The following RHPN2 variants were observed in gnomAD, a reference collection of about 807,000 sequenced individuals.
RHPN2 encodes the protein rhophilin Rho GTPase binding protein 2.
Under a neutral mutation model 79.0 loss-of-function variants are expected in RHPN2, and 40 were observed. The observed-to-expected ratio is 0.51, with a 90% confidence interval of 0.39 to 0.66. The LOEUF (loss-of-function observed/expected upper bound fraction) is 0.66. RHPN2 is among the 30% of genes least tolerant of loss of function. The pLI, the probability that RHPN2 is intolerant of heterozygous loss-of-function variation, is 0.00. For missense variants in RHPN2, 686 were observed against 883.5 expected, an observed-to-expected ratio of 0.78 and a Z score of 2.83; for synonymous variants, 285 against 363.5, an observed-to-expected ratio of 0.78 and a Z score of 2.46.
chr19:32,984,699 C>T (rs1971601738), intron 14 of RHPN2, among the ~76,000 whole-genome samples: 1 of 152,100 alleles, frequency 6.6e-6, no homozygotes, highest in Admixed American at 6.6e-5. Flanking sequence ...CGCCTGTAAT[C>T]CCAACTATTC....
At chr19:33,002,037 G>A (rs1255817469) in intron 9 of RHPN2, among the ~76,000 whole-genome samples, 1 of 152,166 alleles carries the variant, frequency 6.6e-6, no homozygotes, top group Non-Finnish European at 1.5e-5. Context: ...AATTAAAGGT[G>A]CCTCTTCTTC....
intron 6 of RHPN2, among the ~76,000 whole-genome samples, chr19:33,008,589 G>A (rs917952811): frequency 6.6e-6 from 1 of 152,012 alleles, no homozygotes; most frequent in Non-Finnish European, 1.5e-5. Flanking sequence ...GGCCAACATG[G>A]TGAAACCCAG....
chr19:33,055,180 T>A (rs535119651), intron 1 of RHPN2, among the ~76,000 whole-genome samples: 4 of 152,000 alleles, frequency 2.6e-5, no homozygotes, highest in African/African-American at 9.6e-5. Flanking sequence ...TAAGACCCCA[T>A]CTCTACAAAA....
chr19:33,015,924 C>T (rs1971873937), intron 4 of RHPN2, among the ~76,000 whole-genome samples: 1 of 151,960 alleles, frequency 6.6e-6, no homozygotes, highest in Admixed American at 6.6e-5. Context: ...GTGGCAGGTG[C>T]CTGTAATCCC....
At chr19:32,982,382 G>A (rs991143869) in intron 14 of RHPN2, among the ~76,000 whole-genome samples, 1 of 151,988 alleles carries the variant, frequency 6.6e-6, no homozygotes, top group African/African-American at 2.4e-5. Flanking sequence ...ACTCCAGCCT[G>A]GGCGATGGAG....
At chr19:32,993,210 C>T (rs1340573067) in intron 12 of RHPN2, among the ~76,000 whole-genome samples, 1 of 152,076 alleles carries the variant, frequency 6.6e-6, no homozygotes, top group Non-Finnish European at 1.5e-5. Context: ...CACAGTGGCT[C>T]AGGCCTGTAA....
chr19:33,023,011 G>A (rs1391012690), intron 3 of RHPN2, among the ~76,000 whole-genome samples: 2 of 152,138 alleles, frequency 1.3e-5, no homozygotes, highest in African/African-American at 2.4e-5. Flanking sequence ...GGCAATGACA[G>A]CGCCCTCTAG....
intron 5 of RHPN2, 125 bp from the exon 6 acceptor site, chr19:33,011,928 A>G (rs2145238338): frequency 1.6e-6 from 2 of 1,240,384 alleles, no homozygotes; most frequent in Non-Finnish European, 2.3e-6. Flanking sequence ...TGACCTCGCT[A>G]CTGGCATCGT....
intron 2 of RHPN2, among the ~76,000 whole-genome samples, chr19:33,038,012 G>C (rs866392375): frequency 6.6e-6 from 1 of 152,072 alleles, no homozygotes; most frequent in East Asian, 1.9e-4. Flanking sequence ...AGACCAGCCT[G>C]AGCATCATAG....
At chr19:33,036,904 C>A (rs888356294) in intron 2 of RHPN2, among the ~76,000 whole-genome samples, 5 of 145,960 alleles carry the variant, frequency 3.4e-5, no homozygotes, top group Non-Finnish European at 7.4e-5. Context: ...TCCTGTGTAG[C>A]CCGAGCCTCC....
chr19:33,056,982 T>G (rs1245590695), intron 1 of RHPN2, among the ~76,000 whole-genome samples: 1 of 150,012 alleles, frequency 6.7e-6, no homozygotes, highest in East Asian at 1.9e-4. Flanking sequence ...TAGCCGGACA[T>G]GGTGGCGGTC....
At chr19:32,997,769 G>A (rs1171776965) in intron 10 of RHPN2, among the ~76,000 whole-genome samples, 2 of 152,190 alleles carry the variant, frequency 1.3e-5, no homozygotes, top group Non-Finnish European at 2.9e-5. Context: ...GGGATTGCAG[G>A]TGTGAGCCAC....
intron 14 of RHPN2, among the ~76,000 whole-genome samples, chr19:32,983,054 C>CTA (rs1194959080): frequency 1.6e-5 from 1 of 61,642 alleles, no homozygotes; most frequent in Non-Finnish European, 3.2e-5. Context: ...TCCCAGATCT[C>CTA]TACACACACA....
intron 6 of RHPN2, among the ~76,000 whole-genome samples, chr19:33,008,825 A>C (rs1971814340): frequency 6.6e-6 from 1 of 152,184 alleles, no homozygotes; most frequent in Admixed American, 6.6e-5. Context: ...TTTCCAAGCA[A>C]GATGACAGGA....
rs1467051470 is a variant in RHPN2, at chr19:33,064,828, C to A, written c.25G>T (p.Ala9Ser). The A allele has an allele frequency of 7.9e-7, 1 of 1,268,510 alleles. No homozygotes were observed. Among genetic ancestry groups the A allele is most frequent in the Non-Finnish European group, 1.0e-6 (1 of 991,038 alleles). 78.6% of individuals were successfully genotyped at this position (1,268,510 alleles called of 1,614,324 possible). The change falls in exon 1 of 15, where the codon GCC (alanine) becomes TCC (serine). Residue 9 changes from alanine (A) to serine (S), a missense_variant. By Grantham distance (99) the Ala-to-Ser change is moderately conservative. Transcript: ENST00000254260. Reference sequence around the variant, plus strand: ...TTCTCCTTCTCCAGCGGCTGGGGGGCCGCGGGCAACAGCGCGTCGGTCATG... The same window carrying A: ...TTCTCCTTCTCCAGCGGCTGGGGGGACGCGGGCAACAGCGCGTCGGTCATG... MTDALLPAAPQPLEKENDG... is the reference protein window; with the variant it reads MTDALLPASPQPLEKENDG...
At chr19:33,020,166 G>T (rs1971911744) in intron 4 of RHPN2, among the ~76,000 whole-genome samples, 1 of 152,152 alleles carries the variant, frequency 6.6e-6, no homozygotes, top group Non-Finnish European at 1.5e-5. Context: ...ATGAGGATCT[G>T]CAAATGGGAG....
intron 1 of RHPN2, among the ~76,000 whole-genome samples, chr19:33,052,528 C>T (rs1474475900): frequency 6.6e-6 from 1 of 152,220 alleles, no homozygotes; most frequent in Non-Finnish European, 1.5e-5. Context: ...GTTACGCAAT[C>T]CCTCACTCAA....
At chr19:33,057,087 T>A (rs1159699153) in intron 1 of RHPN2, among the ~76,000 whole-genome samples, 1 of 142,932 alleles carries the variant, frequency 7.0e-6, no homozygotes, top group Non-Finnish European at 1.5e-5. Context: ...GCCACTGCAC[T>A]CCAGCCTGGG....
intron 4 of RHPN2, among the ~76,000 whole-genome samples, chr19:33,014,070 T>C (rs1342318791): frequency 6.6e-6 from 1 of 151,642 alleles, no homozygotes; most frequent in African/African-American, 2.4e-5. Flanking sequence ...GAGATGGGGT[T>C]TTGCCCTGTC....
Sources: gnomAD v4.1 joint callset for allele counts (sites outside exome capture counted in the v4.1 genomes callset) on GRCh38, gnomAD v4.1.1 for gene constraint, MANE v1.5 for transcripts, NCBI Gene and HGNC (gene_info 2026-07-23, HGNC 2026-07-21) for gene names.